The following NHSL1 variants were observed in gnomAD, a reference collection of about 807,000 sequenced individuals.
NHSL1 encodes the protein NHS like 1.
In NHSL1, 48 loss-of-function variants were observed where a neutral mutation model predicts 95.0. The ratio of observed to expected loss-of-function variants is 0.51; its 90% CI spans 0.40 to 0.64. NHSL1 has a LOEUF of 0.64. Ranked by LOEUF, NHSL1 falls within the 30% of genes least tolerant of loss-of-function variation. The pLI, the probability that NHSL1 is intolerant of heterozygous loss-of-function variation, is 0.00. For synonymous variants in NHSL1, 783 were observed against 833.9 expected (o/e 0.94, Z 1.05); for missense variants, 1,971 against 2,077.7 (o/e 0.95, Z 1.00).
At chr6:138,531,744 C>A (rs981774434) in intron 1 of NHSL1, among the ~76,000 whole-genome samples, 1 of 152,136 alleles carries the variant, frequency 6.6e-6, no homozygotes. Context: ...CAATTCCTGA[C>A]CTCAAGTGAT....
intron 3 of NHSL1, chr6:138,464,292 C>A: frequency 1.4e-6 from 1 of 733,646 alleles, no homozygotes; most frequent in Non-Finnish European, 2.3e-6. Context: ...ACCCTGGTGT[C>A]GTGGGCGGAC....
exon 1 of NHSL1, chr6:138,572,442 G>T (rs895290500): frequency 6.5e-6 from 1 of 153,136 alleles, no homozygotes; most frequent in Non-Finnish European, 1.5e-5. Context: ...TCACCCACAC[G>T]GTTACTTGGG....
chr6:138,446,897 G>A (rs943721354), intron 4 of NHSL1, 104 bp downstream of exon 4: 3 of 1,012,768 alleles, frequency 3.0e-6, no homozygotes, highest in Non-Finnish European at 4.5e-6. Flanking sequence ...TTGGACCACA[G>A]CTATTCACCT....
At chr6:138,495,563 A>G (rs1459382303) in intron 2 of NHSL1, among the ~76,000 whole-genome samples, 1 of 152,250 alleles carries the variant, frequency 6.6e-6, no homozygotes, top group Non-Finnish European at 1.5e-5. Context: ...TGCCCATGTC[A>G]GCAGTGGTTT....
intron 1 of NHSL1, among the ~76,000 whole-genome samples, chr6:138,580,708 A>G (rs1013824873): frequency 2.0e-5 from 3 of 152,234 alleles, no homozygotes; most frequent in Non-Finnish European, 2.9e-5. Context: ...GGCAAACACA[A>G]TAACTTGGTA....
intron 4 of NHSL1, 22 bp downstream of exon 4, chr6:138,446,979 C>A: frequency 6.5e-7 from 1 of 1,550,218 alleles, no homozygotes; most frequent in Non-Finnish European, 8.7e-7. Flanking sequence ...CATTCTGAAC[C>A]TGTCTGGCTA....
At chr6:138,500,681 T>C (rs893389125), upstream of NHSL1, among the ~76,000 whole-genome samples, 2 of 152,196 alleles carry the variant, frequency 1.3e-5, no homozygotes, top group African/African-American at 4.8e-5. Context: ...AGCTTTGAAA[T>C]GATTCCTTCT....
chr6:138,547,371 T>A (rs538487210), upstream of NHSL1, among the ~76,000 whole-genome samples: 6 of 151,838 alleles, frequency 4.0e-5, no homozygotes, highest in Admixed American at 1.3e-4. Flanking sequence ...AACAGTGATA[T>A]TAACGCTTCT....
intron 1 of NHSL1, among the ~76,000 whole-genome samples, chr6:138,669,988 A>G (rs1785342838): frequency 6.6e-6 from 1 of 152,048 alleles, no homozygotes; most frequent in African/African-American, 2.4e-5. Context: ...GGGCATGGTA[A>G]CATGTGCCTG....
At chr6:138,607,841 C>T (rs189996125) in intron 1 of NHSL1, among the ~76,000 whole-genome samples, 81 of 152,278 alleles carry the variant, frequency 5.3e-4, no homozygotes, top group African/African-American at 1.9e-3. Flanking sequence ...TTCATACCTC[C>T]TAAGAAACAG....
At chr6:138,689,809 C>T (rs1325470673) in intron 1 of NHSL1, among the ~76,000 whole-genome samples, 1 of 150,786 alleles carries the variant, frequency 6.6e-6, no homozygotes, top group Non-Finnish European at 1.5e-5. Context: ...GAGACAGTCT[C>T]GCTAATTTTT....
Position 138,432,342 on chromosome 6 carries a change from G to A in NHSL1, c.2003C>T (p.Ala668Val). ...SLSRNISLKK[A>V]KKPPLPPSRT... The stretch of plus-strand genomic sequence containing the variant: ...GGAGGGTGGCAGGGGAGGCTTCTTT[G>A]CTTTCTTCAAAGAGATGTTTCTTGA... Residue 668 changes from alanine (A) to valine (V), a missense_variant, in exon 6 of 8, where the codon GCA (alanine) becomes GTA (valine). Transcript: ENST00000343505. The surrounding 1 kb of genome is among the most constrained non-coding windows in gnomAD (Gnocchi z 4.4). 1 of 1,551,732 alleles carries A rather than the reference G, an allele frequency of 6.4e-7. No homozygotes were observed. The highest frequency in any genetic ancestry group is 1.2e-5 in the South Asian group (1 of 84,058).
chr6:138,439,394 A>G (rs1776385061), intron 5 of NHSL1, among the ~76,000 whole-genome samples: 1 of 152,216 alleles, frequency 6.6e-6, no homozygotes, highest in South Asian at 2.1e-4. Flanking sequence ...ATTTTTGATC[A>G]TCATTACCTA....
intron 1 of NHSL1, among the ~76,000 whole-genome samples, chr6:138,645,083 T>C (rs1784999583): frequency 6.6e-6 from 1 of 152,158 alleles, no homozygotes; most frequent in Admixed American, 6.6e-5. Flanking sequence ...AAAGACAAAA[T>C]AAGTGTTTCC....
chr6:138,690,860 A>G (rs930337224), intron 1 of NHSL1, among the ~76,000 whole-genome samples: 1 of 152,226 alleles, frequency 6.6e-6, no homozygotes, highest in African/African-American at 2.4e-5. Context: ...ACAGTAGCCT[A>G]TTGGGGCATA....
At position 138,455,534 on chromosome 6, in the gene NHSL1, T is replaced by TCG. The variant is rs1386055059; in HGVS notation, c.340-8342_340-8341insCG. Among the ~76,000 whole-genome samples, 56 of 110,230 alleles carry TCG rather than the reference T, an allele frequency of 5.1e-4. 1 individual carries two copies. Among genetic ancestry groups the TCG allele is most frequent in the African/African-American group, 7.9e-4 (26 of 33,090 alleles). The allele number at this position is 110,230 out of a possible 152,430, so 72.3% of individuals were successfully genotyped here. Reference sequence around the variant, plus strand: ...ATGCTCCCTGCAAGGAGCCCCGCCTTCACATGCTCCCTGCAAGGAGCCCCG... The same window carrying TCG: ...ATGCTCCCTGCAAGGAGCCCCGCCTTCGCACATGCTCCCTGCAAGGAGCCCCG... On this transcript the variant is annotated intron_variant, in intron 3 of 7. Transcript: ENST00000343505.
chr6:138,675,212 C>A (rs988739242), intron 1 of NHSL1, among the ~76,000 whole-genome samples: 1 of 152,152 alleles, frequency 6.6e-6, no homozygotes, highest in Admixed American at 6.6e-5. Flanking sequence ...TTGGTGCTCT[C>A]ATCTACAATG....
At chr6:138,486,061 C>T (rs1382797755) in intron 2 of NHSL1, among the ~76,000 whole-genome samples, 1 of 152,144 alleles carries the variant, frequency 6.6e-6, no homozygotes, top group Non-Finnish European at 1.5e-5. Context: ...AGGCCGCAAC[C>T]TCCGACCCTC....
chr6:138,633,530 C>T (rs1784849396), intron 1 of NHSL1, among the ~76,000 whole-genome samples: 1 of 151,508 alleles, frequency 6.6e-6, no homozygotes, highest in Admixed American at 6.6e-5. Context: ...AGTGGCATGA[C>T]ATACTTAAAG....
Sources: gnomAD v4.1 joint callset for allele counts (sites outside exome capture counted in the v4.1 genomes callset) on GRCh38, gnomAD v4.1.1 for gene constraint, Gnocchi (gnomAD v3.1) non-coding constraint, MANE v1.5 for transcripts, NCBI Gene and HGNC (gene_info 2026-07-23, HGNC 2026-07-21) for gene names.